GSE1: variants seen among roughly 807,000 people sequenced by gnomAD.
The protein encoded by GSE1 is Gse1 coiled-coil protein, also known as genetic suppressor element 1.
A neutral mutation model predicts 112.6 loss-of-function variants in GSE1; 32 were observed. The ratio of observed to expected loss-of-function variants is 0.28; its 90% CI spans 0.21 to 0.38. GSE1 has a LOEUF of 0.38. GSE1 is among the 10% of genes least tolerant of loss of function. The pLI is 1.00. For synonymous variants in GSE1, 1,115 were observed against 735.6 expected (o/e 1.52, Z -8.35); for missense variants, 2,348 against 1,699.2 (o/e 1.38, Z -6.71).
At chr16:85,296,246 C>T (rs7202545) in intron 1 of GSE1, among the ~76,000 whole-genome samples, 12,760 of 152,150 alleles carry the variant, frequency 0.084, 608 homozygotes, top group South Asian at 0.097. Context: ...CCACCTCCCA[C>T]GCACGGCTCA....
intron 1 of GSE1, among the ~76,000 whole-genome samples, chr16:85,265,953 G>T (rs1908194567): frequency 6.6e-6 from 1 of 152,196 alleles, no homozygotes; most frequent in Non-Finnish European, 1.5e-5. Context: ...TTCTGCCCGA[G>T]AATGTTTGCT....
chr16:85,183,561 T>G (rs979887871), intron 1 of GSE1, among the ~76,000 whole-genome samples: 3 of 152,238 alleles, frequency 2.0e-5, no homozygotes, highest in Admixed American at 6.5e-5. Context: ...CCTTCTGATT[T>G]GGTGATCTGG....
At chr16:85,241,716 A>G (rs556620174) in intron 1 of GSE1, among the ~76,000 whole-genome samples, 1 of 152,124 alleles carries the variant, frequency 6.6e-6, no homozygotes, top group Admixed American at 6.5e-5. Flanking sequence ...CAGCCCTCCT[A>G]GGGTGGTGTG....
chr16:85,234,595 A>G (rs927886414), intron 1 of GSE1, among the ~76,000 whole-genome samples: 1 of 152,128 alleles, frequency 6.6e-6, no homozygotes, highest in Non-Finnish European at 1.5e-5. Context: ...CTCATTCCCA[A>G]TTTACAGACA....
At chr16:85,393,870 G>A (rs1053260901) in intron 2 of GSE1, among the ~76,000 whole-genome samples, 22 of 152,170 alleles carry the variant, frequency 1.4e-4, no homozygotes, top group African/African-American at 5.3e-4. Flanking sequence ...CCTTCTCACC[G>A]CCAGGGGGCA....
At chr16:85,488,721 C>A (rs1376549284) in intron 2 of GSE1, among the ~76,000 whole-genome samples, 1 of 152,134 alleles carries the variant, frequency 6.6e-6, no homozygotes, top group Non-Finnish European at 1.5e-5. Context: ...GAGCAGAGGA[C>A]AGAGTGATGG....
chr16:85,497,338 A>G (rs923210914), intron 2 of GSE1, among the ~76,000 whole-genome samples: 1 of 152,152 alleles, frequency 6.6e-6, no homozygotes, highest in Non-Finnish European at 1.5e-5. Context: ...GGATTCCCAG[A>G]TCCTAGCACA....
intron 2 of GSE1, among the ~76,000 whole-genome samples, chr16:85,446,684 C>A (rs1280206875): frequency 6.6e-6 from 1 of 152,164 alleles, no homozygotes; most frequent in Non-Finnish European, 1.5e-5. Flanking sequence ...GGGAGACCTA[C>A]CGTGTGTTGG....
At chr16:85,389,773 T>C (rs796894899) in intron 2 of GSE1, among the ~76,000 whole-genome samples, 10 of 152,238 alleles carry the variant, frequency 6.6e-5, no homozygotes, top group African/African-American at 1.7e-4. Context: ...AACTAACCCA[T>C]TGAATCCCCA....
At chr16:85,451,969 C>A (rs867523675) in intron 2 of GSE1, among the ~76,000 whole-genome samples, 17 of 152,140 alleles carry the variant, frequency 1.1e-4, no homozygotes, top group African/African-American at 2.9e-4. Context: ...CTGCCTCCCC[C>A]CCTCACCGAG....
intron 1 of GSE1, among the ~76,000 whole-genome samples, chr16:85,239,132 A>C (rs1019851778): frequency 6.6e-6 from 1 of 152,082 alleles, no homozygotes; most frequent in South Asian, 2.1e-4. Context: ...AGGTTTCACC[A>C]TGTTGGCCAG....
intron 1 of GSE1, among the ~76,000 whole-genome samples, chr16:85,312,794 C>T (rs1009114311): frequency 2.0e-5 from 3 of 151,544 alleles, no homozygotes; most frequent in South Asian, 4.2e-4. Flanking sequence ...AGGAGCAGGG[C>T]AGGAGGAGGA....
At chr16:85,671,350 G>C (rs895274471) in intron 15 of GSE1, among the ~76,000 whole-genome samples, 1 of 147,604 alleles carries the variant, frequency 6.8e-6, no homozygotes, top group African/African-American at 2.5e-5. Flanking sequence ...TGAGGCAGGA[G>C]AATGGCGTGA....
intron 1 of GSE1, among the ~76,000 whole-genome samples, chr16:85,629,258 A>T (rs2049341358): frequency 6.6e-6 from 1 of 152,194 alleles, no homozygotes; most frequent in Non-Finnish European, 1.5e-5. Flanking sequence ...AGCAACACAG[A>T]CAGCCTAGTT....
intron 2 of GSE1, among the ~76,000 whole-genome samples, chr16:85,400,390 T>C (rs866764479): frequency 2.6e-5 from 4 of 151,984 alleles, no homozygotes; most frequent in African/African-American, 4.8e-5. Flanking sequence ...TGTATGTGTA[T>C]CTCTGTGGCC....
intron 1 of GSE1, among the ~76,000 whole-genome samples, chr16:85,573,470 G>T (rs1307174705): frequency 6.6e-6 from 1 of 152,076 alleles, no homozygotes; most frequent in Non-Finnish European, 1.5e-5. Flanking sequence ...CATTTCTCTT[G>T]GGCATGTATC....
chr16:85,272,315 C>A (rs1908921642), intron 1 of GSE1, among the ~76,000 whole-genome samples: 1 of 152,224 alleles, frequency 6.6e-6, no homozygotes. Context: ...AGCCTCAGGC[C>A]CGCAGAGGTG....
chr16:85,661,366 C>T lies in GSE1; in HGVS notation c.1861C>T (p.Pro621Ser), dbSNP rs767727927. Residue 621 changes from proline to serine, a missense_variant, in exon 9 of 16, where the codon CCG (proline) becomes TCG (serine). Pro to Ser is a moderately conservative substitution (Grantham distance 74). Coordinates refer to ENST00000253458, the MANE Select transcript of GSE1 (RefSeq NM_014615.5). ...TGAGCCCAGCCGCCAGGCAGCCGTG[C>T]CGCTGGTGAAGGTGGAGCGGGTCTT... Reference protein sequence around the residue: ...AFEPSRQAAVPLVKVERVFCP... With the variant: ...AFEPSRQAAVSLVKVERVFCP... 17 of 1,612,124 alleles carry T rather than the reference C, an allele frequency of 1.1e-5. No individual in the cohort carries two copies. Among genetic ancestry groups the T allele is most frequent in the Non-Finnish European group, 1.2e-5 (14 of 1,179,636 alleles).
intron 1 of GSE1, among the ~76,000 whole-genome samples, chr16:85,210,114 G>T (rs1322795428): frequency 6.6e-6 from 1 of 152,212 alleles, no homozygotes; most frequent in African/African-American, 2.4e-5. Flanking sequence ...GCCGCTGGCA[G>T]CATAGTTCTG....
Sources: gnomAD v4.1 joint callset for allele counts (sites outside exome capture counted in the v4.1 genomes callset) on GRCh38, gnomAD v4.1.1 for gene constraint, MANE v1.5 for transcripts, NCBI Gene and HGNC (gene_info 2026-07-23, HGNC 2026-07-21) for gene names.